COL24A1: variants seen among roughly 807,000 people sequenced by gnomAD.
COL24A1 encodes collagen alpha-1(XXIV) chain.
Under a neutral mutation model 253.9 loss-of-function variants are expected in COL24A1, and 224 were observed. That is an observed-to-expected ratio of 0.88 (90% CI 0.79 to 0.99). COL24A1 has a LOEUF of 0.99. Among genes scored for constraint, COL24A1 ranks in the 50% least tolerant of loss-of-function variants. The pLI is 0.00. For missense variants in COL24A1, 2,131 were observed against 2,068.5 expected (o/e 1.03, Z -0.59); for synonymous variants, 685 against 673.7 (o/e 1.02, Z -0.26).
At chr1:85,955,192 T>A (rs1237399476) in intron 24 of COL24A1, among the ~76,000 whole-genome samples, 1 of 152,146 alleles carries the variant, frequency 6.6e-6, no homozygotes, top group Non-Finnish European at 1.5e-5. Flanking sequence ...CACATGGAAT[T>A]CAGTTGGTGT....
intron 6 of COL24A1, 99 bp downstream of exon 6, chr1:86,092,168 C>T (rs1189218917): frequency 1.2e-6 from 1 of 845,806 alleles, no homozygotes; most frequent in Admixed American, 3.0e-5. Context: ...ATGTTTTTTT[C>T]CTGTCTGATA....
intron 23 of COL24A1, among the ~76,000 whole-genome samples, chr1:85,961,563 T>C (rs1288881878): frequency 6.6e-6 from 1 of 152,182 alleles, no homozygotes; most frequent in African/African-American, 2.4e-5. Flanking sequence ...CTATGAAATG[T>C]GGCCTACCCT....
intron 24 of COL24A1, 114 bp from the exon 25 acceptor site, chr1:85,911,547 A>G: frequency 1.2e-6 from 1 of 867,112 alleles, no homozygotes; most frequent in Non-Finnish European, 1.9e-6. Context: ...CCTAAATGTT[A>G]TCTTGGAGTA....
intron 37 of COL24A1, among the ~76,000 whole-genome samples, chr1:85,852,578 T>G (rs987454695): frequency 6.6e-6 from 1 of 152,172 alleles, no homozygotes; most frequent in Non-Finnish European, 1.5e-5. Context: ...GATTGATAAT[T>G]TTATAATATT....
At chr1:85,868,974 T>A (rs1355770702) in intron 35 of COL24A1, 139 bp from the exon 36 acceptor site, 2 of 567,380 alleles carry the variant, frequency 3.5e-6, no homozygotes, top group African/African-American at 1.9e-5. Flanking sequence ...TAAAGAGGAT[T>A]TGACAGTAAA....
intron 2 of COL24A1, among the ~76,000 whole-genome samples, chr1:86,131,620 T>C (rs1405029758): frequency 6.6e-6 from 1 of 151,492 alleles, no homozygotes; most frequent in East Asian, 1.9e-4. Context: ...TGTTTGGTTT[T>C]TTGTCCTTGT....
intron 20 of COL24A1, 47 bp from the exon 21 acceptor site, chr1:85,971,440 G>T: frequency 7.0e-7 from 1 of 1,433,150 alleles, no homozygotes; most frequent in South Asian, 1.2e-5. Context: ...TAGATCAACT[G>T]ACATTTTGAT....
chr1:86,132,366 G>T (rs4592277), intron 2 of COL24A1, among the ~76,000 whole-genome samples: 144,157 of 152,196 alleles, frequency 0.95, 68,406 homozygotes, highest in Non-Finnish European at 0.98. Context: ...GCTCTTTAGT[G>T]TAGTTAGATC....
chr1:85,819,093 A>G (rs1055535071), intron 45 of COL24A1, among the ~76,000 whole-genome samples: 3 of 152,204 alleles, frequency 2.0e-5, no homozygotes, highest in Non-Finnish European at 4.4e-5. Context: ...TATAAGGATC[A>G]TGGGTTGTAC....
intron 39 of COL24A1, among the ~76,000 whole-genome samples, chr1:85,843,157 G>A (rs9943196): frequency 0.021 from 3,120 of 152,188 alleles, 103 homozygotes; most frequent in African/African-American, 0.073. Context: ...CTTGCCAAAT[G>A]TCATACTAGA....
intron 7 of COL24A1, among the ~76,000 whole-genome samples, chr1:86,082,291 C>T (rs949791782): frequency 2.0e-5 from 3 of 152,162 alleles, no homozygotes; most frequent in African/African-American, 7.2e-5. Context: ...CTTCAATACT[C>T]CTCAAGCTTT....
intron 45 of COL24A1, among the ~76,000 whole-genome samples, chr1:85,820,002 C>A (rs1361022663): frequency 6.6e-6 from 1 of 152,090 alleles, no homozygotes; most frequent in East Asian, 1.9e-4. Context: ...CATGCACCAC[C>A]ACACCCAGCT....
intron 47 of COL24A1, among the ~76,000 whole-genome samples, chr1:85,804,424 G>A (rs535994662): frequency 7.3e-4 from 111 of 152,274 alleles, no homozygotes; most frequent in Non-Finnish European, 1.2e-3. Flanking sequence ...AATGAGGAAA[G>A]AAGGAGAAAT....
At chr1:85,946,604 G>C (rs546201484) in intron 24 of COL24A1, among the ~76,000 whole-genome samples, 17 of 152,148 alleles carry the variant, frequency 1.1e-4, no homozygotes, top group Admixed American at 3.9e-4. Flanking sequence ...CTATGTGTCA[G>C]CTTCATCCAA....
intron 2 of COL24A1, among the ~76,000 whole-genome samples, chr1:86,144,265 C>T (rs12407500): frequency 0.44 from 67,414 of 151,884 alleles, 17,008 homozygotes; most frequent in Non-Finnish European, 0.57. Flanking sequence ...TTGTTTCTTT[C>T]ATTTATTCCT....
intron 38 of COL24A1, 117 bp from the exon 39 acceptor site, chr1:85,847,889 C>T: frequency 1.8e-6 from 1 of 543,214 alleles, no homozygotes; most frequent in South Asian, 3.2e-5. Flanking sequence ...TATTACAGAT[C>T]ACTATTAACA....
intron 32 of COL24A1, among the ~76,000 whole-genome samples, chr1:85,884,922 AC>A (rs1682299063): frequency 6.6e-6 from 1 of 151,996 alleles, no homozygotes; most frequent in South Asian, 2.1e-4. Context: ...CCTCCCAAAG[AC>A]TGGGCCCTCT....
chr1:85,864,928 G>T (rs1679614112), intron 37 of COL24A1, among the ~76,000 whole-genome samples: 1 of 152,140 alleles, frequency 6.6e-6, no homozygotes, highest in Non-Finnish European at 1.5e-5. Flanking sequence ...AAGTCAGGCA[G>T]ATGTTTCCTT....
In COL24A1 at chr1:85,847,717, C is replaced by T. The variant is rs763486597; in HGVS notation, c.3410G>A (p.Gly1137Glu). 6 of 1,613,836 alleles carry T rather than the reference C, an allele frequency of 3.7e-6. No homozygotes were observed. In the Admixed American group the frequency reaches 1.0e-4, roughly 27 times the overall value. ...TGEVGSRGPP[G>E]KIGKSGPKGA... is the part of the protein sequence containing the mutation. Reference sequence around the variant, plus strand: ...CTTAGGACCACTTTTCCCAATTTTTCCAGGAGGACCTCTGCTTCCAACTTC... The same window carrying T: ...CTTAGGACCACTTTTCCCAATTTTTTCAGGAGGACCTCTGCTTCCAACTTC... Residue 1137 changes from glycine to glutamate, a missense_variant, in exon 39 of 60, where the codon GGA becomes GAA. Physicochemically the swap from Gly to Glu is moderately conservative, Grantham distance 98. Coordinates refer to ENST00000370571, the MANE Select transcript of COL24A1 (RefSeq NM_152890.7).
Sources: allele counts gnomAD v4.1 joint callset (sites outside exome capture counted in the v4.1 genomes callset), GRCh38; gene constraint gnomAD v4.1.1; transcripts MANE v1.5; gene names NCBI Gene and HGNC (gene_info 2026-07-23, HGNC 2026-07-21).